The following RGS7 variants were observed in gnomAD, a reference collection of about 807,000 sequenced individuals.
RGS7 encodes regulator of G protein signaling 7, also known as regulator of G-protein signaling 7.
In RGS7, 27 loss-of-function variants were observed where a neutral mutation model predicts 81.1. The ratio of observed to expected loss-of-function variants is 0.33; its 90% CI spans 0.25 to 0.46. The LOEUF (loss-of-function observed/expected upper bound fraction) is 0.46, where lower values mean the gene tolerates loss of function less well. Ranked by LOEUF, RGS7 falls within the 20% of genes least tolerant of loss-of-function variation. The pLI is 1.00. For missense variants in RGS7, 396 were observed against 607.4 expected, an observed-to-expected ratio of 0.65 and a Z score of 3.66; for synonymous variants, 208 against 207.7, an observed-to-expected ratio of 1.00 and a Z score of -0.01.
At chr1:240,796,643 G>A (rs1337617023) in intron 18 of RGS7, among the ~76,000 whole-genome samples, 1 of 152,192 alleles carries the variant, frequency 6.6e-6, no homozygotes, top group Admixed American at 6.5e-5. Context: ...CCGAGATCGT[G>A]CCACTGCACT....
chr1:240,785,151 TTATAAA>T (rs757824955), intron 18 of RGS7, among the ~76,000 whole-genome samples: 22 of 152,360 alleles, frequency 1.4e-4, no homozygotes, highest in Admixed American at 5.2e-4. Context: ...CCCGTTTCAC[TTATAAA>T]TATAAACATC....
At position 241,161,006 on chromosome 1, in the gene RGS7, T is replaced by G. The variant is rs564802520; in HGVS notation, c.79-62244A>C. The stretch of plus-strand genomic sequence containing the variant: ...TTGGGGCAAAAGTGATAGTTTTTTT[T>G]GCCATTAAAAAACCATGATCACTTT... On this transcript the variant is annotated intron_variant, in intron 2 of 18. Coordinates refer to ENST00000440928, the MANE Select transcript of RGS7 (RefSeq NM_001364886.1). Among the ~76,000 whole-genome samples, 4 of 152,118 alleles carry G rather than the reference T, an allele frequency of 2.6e-5. No individual in the cohort carries two copies. The East Asian group carries it at 7.8e-4, about 30-fold the overall frequency.
chr1:240,864,406 A>G (rs1040530772), intron 9 of RGS7, among the ~76,000 whole-genome samples: 4 of 152,226 alleles, frequency 2.6e-5, no homozygotes, highest in Admixed American at 2.6e-4. Context: ...TTACATATTT[A>G]AATAACAAAA....
At chr1:241,106,752 C>CCACACACACCCACACACACACA (rs2065136725) in intron 2 of RGS7, among the ~76,000 whole-genome samples, 2 of 121,684 alleles carry the variant, frequency 1.6e-5, no homozygotes, top group African/African-American at 6.6e-5. Context: ...AACACCACCA[C>CCACACACACCCACACACACACA]CACACACACA....
chr1:241,028,742 C>T (rs981254743), intron 3 of RGS7, among the ~76,000 whole-genome samples: 3 of 152,012 alleles, frequency 2.0e-5, no homozygotes, highest in Non-Finnish European at 4.4e-5. Context: ...AAGGACAAGT[C>T]GAGACACAAA....
At chr1:241,145,272 AC>A (rs2068231658) in intron 2 of RGS7, among the ~76,000 whole-genome samples, 1 of 151,880 alleles carries the variant, frequency 6.6e-6, no homozygotes, top group African/African-American at 2.4e-5. Flanking sequence ...CGCTTCAGCC[AC>A]CCAAAGTGCT....
At chr1:241,185,405 A>AT (rs1558166197) in intron 2 of RGS7, among the ~76,000 whole-genome samples, 1 of 152,210 alleles carries the variant, frequency 6.6e-6, no homozygotes, top group Non-Finnish European at 1.5e-5. Flanking sequence ...GGAGATTTCA[A>AT]TTTCAACCAC....
intron 2 of RGS7, among the ~76,000 whole-genome samples, chr1:241,306,288 C>T (rs1429558545): frequency 6.6e-6 from 1 of 151,156 alleles, no homozygotes; most frequent in African/African-American, 2.4e-5. Context: ...CACCCTTACA[C>T]ACATACCCTC....
chr1:241,021,190 T>C (rs895202073), intron 3 of RGS7, among the ~76,000 whole-genome samples: 6 of 152,158 alleles, frequency 3.9e-5, no homozygotes, highest in African/African-American at 1.4e-4. Flanking sequence ...GATCCTCCTC[T>C]GTCACACAAC....
In RGS7 at chr1:240,866,001, T is replaced by C. The variant is rs1572487330; in HGVS notation, c.609+2586A>G. Among the ~76,000 whole-genome samples the C allele has an allele frequency of 2.6e-5, 4 of 152,220 alleles. No individual in the cohort carries two copies. The South Asian group carries it at 8.3e-4, about 32-fold the overall frequency. ...AACAAGATAAACACCAGTACCTGTA[T>C]GGCAGACACAGCCTTTGGACAAGTG... On this transcript the variant is annotated intron_variant, in intron 9 of 18. Coordinates refer to ENST00000440928, the MANE Select transcript of RGS7 (RefSeq NM_001364886.1).
At chr1:241,031,751 C>T (rs919229804) in intron 3 of RGS7, among the ~76,000 whole-genome samples, 4 of 152,018 alleles carry the variant, frequency 2.6e-5, no homozygotes, top group Non-Finnish European at 5.9e-5. Context: ...TTTTCACATG[C>T]TTGTTGGCCA....
intron 3 of RGS7, among the ~76,000 whole-genome samples, chr1:241,003,704 G>A (rs905168198): frequency 2.0e-4 from 31 of 152,096 alleles, no homozygotes; most frequent in Non-Finnish European, 1.2e-4. Flanking sequence ...TCCCACTCCT[G>A]TATCTGCCTC....
chr1:240,819,346 A>G (rs1691367032), intron 10 of RGS7, among the ~76,000 whole-genome samples: 1 of 152,262 alleles, frequency 6.6e-6, no homozygotes, highest in Non-Finnish European at 1.5e-5. Context: ...AAACACAGCA[A>G]TTTGTGGTAT....
Position 241,167,369 on chromosome 1 carries a change from C to T in RGS7, c.79-68607G>A, listed in dbSNP as rs182676408. ...AGTCACCAACTTCTGACTGAGCATACGCCACCTGGGATAAATGCCAAATTT... is the reference window on the plus strand; with the variant it reads ...AGTCACCAACTTCTGACTGAGCATATGCCACCTGGGATAAATGCCAAATTT... On this transcript the variant is annotated intron_variant, in intron 2 of 18. Coordinates refer to ENST00000440928, the MANE Select transcript of RGS7 (RefSeq NM_001364886.1). Among the ~76,000 whole-genome samples, 147 of 152,282 alleles carry T rather than the reference C, an allele frequency of 9.7e-4. 1 individual carries two copies. Among genetic ancestry groups the T allele is most frequent in the African/African-American group, 1.3e-3 (55 of 41,554 alleles).
intron 4 of RGS7, among the ~76,000 whole-genome samples, chr1:240,946,016 A>C (rs1462000911): frequency 6.6e-6 from 1 of 152,230 alleles, no homozygotes; most frequent in East Asian, 1.9e-4. Flanking sequence ...AGATATGGGT[A>C]AATTTGTTAA....
chr1:241,257,064 C>T (rs2077089252), intron 2 of RGS7, among the ~76,000 whole-genome samples: 1 of 151,972 alleles, frequency 6.6e-6, no homozygotes, highest in South Asian at 2.1e-4. Context: ...CATATATACA[C>T]ACACACATTG....
chr1:241,209,714 G>A (rs912207513), intron 2 of RGS7, among the ~76,000 whole-genome samples: 2 of 152,182 alleles, frequency 1.3e-5, no homozygotes, highest in East Asian at 1.9e-4. Flanking sequence ...GCATGCACCT[G>A]TAGTCCCAGC....
At chr1:241,220,931 AAAGGAAGG>A (rs1265025321) in intron 2 of RGS7, among the ~76,000 whole-genome samples, 13 of 146,586 alleles carry the variant, frequency 8.9e-5, no homozygotes, top group African/African-American at 3.0e-4. Context: ...AGAAAGGAAG[AAAGGAAGG>A]AAGGAAGAAG....
intron 4 of RGS7, among the ~76,000 whole-genome samples, chr1:240,956,690 C>T (rs1199037307): frequency 6.6e-6 from 1 of 152,012 alleles, no homozygotes. Flanking sequence ...CTGAAAGAAG[C>T]CACTCTAAAA....
Sources: gnomAD v4.1 joint callset for allele counts (sites outside exome capture counted in the v4.1 genomes callset) on GRCh38, gnomAD v4.1.1 for gene constraint, MANE v1.5 for transcripts, NCBI Gene and HGNC (gene_info 2026-07-23, HGNC 2026-07-21) for gene names.